STX2: variants seen among roughly 807,000 people sequenced by gnomAD.
STX2 encodes the protein syntaxin-2.
In STX2, 27 loss-of-function variants were observed where a neutral mutation model predicts 40.6. The ratio of observed to expected loss-of-function variants is 0.66; its 90% CI spans 0.49 to 0.92. The LOEUF is 0.92. Among genes scored for constraint, STX2 ranks in the 40% least tolerant of loss-of-function variants. The pLI is 0.00. For synonymous variants in STX2, 123 were observed against 119.1 expected (o/e 1.03, Z -0.22); for missense variants, 328 against 366.1 (o/e 0.90, Z 0.85).
At position 130,828,261 on chromosome 12, in the gene STX2, C is replaced by A. The variant is rs561182426; in HGVS notation, c.31-994G>T. Among the ~76,000 whole-genome samples the A allele has an allele frequency of 4.6e-5, 7 of 152,162 alleles. No homozygotes were observed. The East Asian group carries it at 1.4e-3, about 30-fold the overall frequency. ...GGAAACAAAGTCTCACTCTGTCGCC[C>A]AGGCTGGAGTGTGGAGTGTGCAGTG... On this transcript the variant is annotated intron_variant, in intron 1 of 10. Coordinates refer to ENST00000392373, the MANE Select transcript of STX2 (RefSeq NM_194356.4).
At chr12:130,818,835 A>G (rs1951999814) in intron 3 of STX2, among the ~76,000 whole-genome samples, 2 of 152,194 alleles carry the variant, frequency 1.3e-5, no homozygotes, top group Non-Finnish European at 2.9e-5. Context: ...GCAGGAGCGA[A>G]TCAAATCCCC....
chr12:130,838,897 C>T (rs10773828), intron 1 of STX2, among the ~76,000 whole-genome samples, 173 bp downstream of exon 1: 9,426 of 150,932 alleles, frequency 0.062, 393 homozygotes, highest in Non-Finnish European at 0.091. Context: ...ACCCCACCAG[C>T]AGTCCCCGCT....
intron 3 of STX2, 109 bp from the exon 4 acceptor site, chr12:130,813,140 CT>C: frequency 1.7e-5 from 12 of 712,282 alleles, no homozygotes; most frequent in South Asian, 6.7e-5. Context: ...TAAATATTCA[CT>C]TTTTTTCTGT....
At chr12:130,805,937 G>T (rs1446550213) in intron 6 of STX2, among the ~76,000 whole-genome samples, 1 of 152,152 alleles carries the variant, frequency 6.6e-6, no homozygotes, top group Admixed American at 6.5e-5. Flanking sequence ...GACAAAGACG[G>T]TTCAAGTTAC....
intron 8 of STX2, among the ~76,000 whole-genome samples, chr12:130,800,803 A>G (rs368432963): frequency 6.6e-6 from 1 of 152,264 alleles, no homozygotes; most frequent in African/African-American, 2.4e-5. Flanking sequence ...ATGTACGGGC[A>G]TACACAGAAG....
At chr12:130,796,991 G>T (rs1215572391) in intron 9 of STX2, among the ~76,000 whole-genome samples, 1 of 152,218 alleles carries the variant, frequency 6.6e-6, no homozygotes, top group Non-Finnish European at 1.5e-5. Flanking sequence ...CAGCAGCAAA[G>T]CATTTGAGCG....
At chr12:130,792,596 T>G (rs1024783813) in intron 10 of STX2, among the ~76,000 whole-genome samples, 1 of 152,128 alleles carries the variant, frequency 6.6e-6, no homozygotes, top group Non-Finnish European at 1.5e-5. Context: ...CCCAAGGAGC[T>G]AGGATGACAG....
chr12:130,836,713 C>CT (rs1171438970), intron 1 of STX2, among the ~76,000 whole-genome samples: 1 of 152,238 alleles, frequency 6.6e-6, no homozygotes, highest in Non-Finnish European at 1.5e-5. Context: ...ATAACTCCCT[C>CT]TATGAGGTGG....
chr12:130,815,491 A>G (rs1951825263), intron 3 of STX2, among the ~76,000 whole-genome samples: 1 of 152,224 alleles, frequency 6.6e-6, no homozygotes, highest in South Asian at 2.1e-4. Flanking sequence ...CAGGCAGGAG[A>G]AAAGACCTGT....
At chr12:130,837,023 G>C (rs190783373) in intron 1 of STX2, among the ~76,000 whole-genome samples, 4 of 151,574 alleles carry the variant, frequency 2.6e-5, no homozygotes, top group African/African-American at 9.7e-5. Context: ...CCAAGAAAAC[G>C]TACTTTCTCA....
In STX2 at chr12:130,798,610, C is replaced by T; in HGVS notation, c.701G>A (p.Arg234Lys). 6.3e-7 allele frequency: 1 copy of T among 1,596,830 alleles called. No homozygotes were observed. Among genetic ancestry groups the T allele is most frequent in the South Asian group, 1.1e-5 (1 of 87,212 alleles). Reference protein sequence around the residue: ...TQGEMINNIERNVMNATDYVE... With the variant: ...TQGEMINNIEKNVMNATDYVE... ...ATAGTCTGTGGCATTCATAACATTT[C>T]TTTCTATGTTGTTGATCATTTCACC... Residue 234 changes from arginine (R) to lysine (K), a missense_variant, in exon 9 of 11, where the codon AGA becomes AAA. Physicochemically the swap from Arg to Lys is conservative, Grantham distance 26. Coordinates refer to ENST00000392373, the MANE Select transcript of STX2 (RefSeq NM_194356.4).
At chr12:130,829,050 C>G (rs1026924481) in intron 1 of STX2, among the ~76,000 whole-genome samples, 11 of 151,992 alleles carry the variant, frequency 7.2e-5, no homozygotes, top group Middle Eastern at 3.2e-3. Flanking sequence ...CTGCAGGAGT[C>G]AGACCAGGTG....
At position 130,805,908 on chromosome 12, in the gene STX2, C is replaced by A. The variant is rs114746964; in HGVS notation, c.463+1074G>T. Among the ~76,000 whole-genome samples the A allele has an allele frequency of 2.7e-3, 411 of 152,278 alleles. 2 individuals carry two copies. Among genetic ancestry groups the A allele is most frequent in the South Asian group, 3.9e-3 (19 of 4,828 alleles). ...AAGGAAATCAACCAACCAGAGCAGACAGGACACTGGAGTTGGCAGACAAAG... is the reference window on the plus strand; with the variant it reads ...AAGGAAATCAACCAACCAGAGCAGAAAGGACACTGGAGTTGGCAGACAAAG... On this transcript the variant is annotated intron_variant, in intron 6 of 10. Coordinates refer to ENST00000392373, the MANE Select transcript of STX2 (RefSeq NM_194356.4).
chr12:130,807,667 G>A (rs929712292), intron 5 of STX2, among the ~76,000 whole-genome samples: 4 of 152,152 alleles, frequency 2.6e-5, no homozygotes, highest in South Asian at 2.1e-4. Context: ...AAAACGTGGC[G>A]GCCTTACCAC....
chr12:130,793,116 C>A (rs1290935513), intron 10 of STX2, among the ~76,000 whole-genome samples: 4 of 152,170 alleles, frequency 2.6e-5, no homozygotes, highest in African/African-American at 9.7e-5. Context: ...CTGGACAGTT[C>A]CAAGACTGCC....
At chr12:130,808,381 T>C (rs959507444) in intron 5 of STX2, among the ~76,000 whole-genome samples, 20 of 152,068 alleles carry the variant, frequency 1.3e-4, no homozygotes, top group Non-Finnish European at 5.9e-5. Context: ...CTCAAAACCC[T>C]CTTCAGGAAA....
chr12:130,803,961 C>A (rs1175834888), intron 6 of STX2, among the ~76,000 whole-genome samples: 1 of 152,330 alleles, frequency 6.6e-6, no homozygotes, highest in East Asian at 1.9e-4. Context: ...ACTCACATTT[C>A]ACTGGAGAGC....
intron 8 of STX2, among the ~76,000 whole-genome samples, chr12:130,798,936 T>C (rs2137021804): frequency 6.6e-6 from 1 of 152,350 alleles, no homozygotes; most frequent in Non-Finnish European, 1.5e-5. Flanking sequence ...TTTCGACAGA[T>C]GGGCAGGGTG....
chr12:130,807,515 G>A (rs969628848), intron 5 of STX2, among the ~76,000 whole-genome samples: 1 of 150,854 alleles, frequency 6.6e-6, no homozygotes, highest in Non-Finnish European at 1.5e-5. Flanking sequence ...CCAGGCAGGC[G>A]GACCCCAGAG....
Sources: allele counts gnomAD v4.1 joint callset (sites outside exome capture counted in the v4.1 genomes callset), GRCh38; gene constraint gnomAD v4.1.1; transcripts MANE v1.5; gene names NCBI Gene and HGNC (gene_info 2026-07-23, HGNC 2026-07-21).